The following SGCZ variants were observed in gnomAD, a reference collection of about 807,000 sequenced individuals.
The protein encoded by SGCZ is zeta-sarcoglycan.
A neutral mutation model predicts 41.3 loss-of-function variants in SGCZ; 40 were observed. The observed-to-expected ratio is 0.97, with a 90% confidence interval of 0.75 to 1.26. The LOEUF (loss-of-function observed/expected upper bound fraction) is 1.26, where lower values mean the gene tolerates loss of function less well. Among genes scored for constraint, SGCZ ranks in the 50% most tolerant of loss-of-function variants. The pLI, the probability that SGCZ is intolerant of heterozygous loss-of-function variation, is 0.00. For synonymous variants in SGCZ, 206 were observed against 137.5 expected, an observed-to-expected ratio of 1.50 and a Z score of -3.49; for missense variants, 552 against 369.8, an observed-to-expected ratio of 1.49 and a Z score of -4.04.
intron 1 of SGCZ, among the ~76,000 whole-genome samples, chr8:14,745,691 G>T (rs1034695576): frequency 6.6e-6 from 1 of 151,638 alleles, no homozygotes; most frequent in Non-Finnish European, 1.5e-5. Context: ...ATACATACAT[G>T]CCATATATAT....
At chr8:14,157,446 G>A (rs1803912732) in intron 5 of SGCZ, among the ~76,000 whole-genome samples, 1 of 149,598 alleles carries the variant, frequency 6.7e-6, no homozygotes, top group Non-Finnish European at 1.5e-5. Flanking sequence ...TTTTTGACAT[G>A]TCCCCATCAT....
intron 1 of SGCZ, among the ~76,000 whole-genome samples, chr8:15,195,025 C>G (rs1321856755): frequency 3.3e-5 from 5 of 152,190 alleles, no homozygotes; most frequent in African/African-American, 1.2e-4. Context: ...ATCTTATTAT[C>G]TTAGCATCTA....
At position 14,869,692 on chromosome 8, in the gene SGCZ, A is replaced by G. The variant is rs151298516; in HGVS notation, c.40-314766T>C. 8.5e-3 allele frequency among the ~76,000 whole-genome samples: 1,301 copies of G among 152,272 alleles called. 11 individuals are homozygous for G. The highest frequency in any genetic ancestry group is 0.013 in the Non-Finnish European group (899 of 68,008). On this transcript the variant is annotated intron_variant, in intron 1 of 7. Coordinates refer to ENST00000382080, the MANE Select transcript of SGCZ (RefSeq NM_139167.4). ...CATAAATGTATATTTAGAAAACCCCATTGTCTCAGCCCAAAATCTCTTTAA... is the reference window on the plus strand; with the variant it reads ...CATAAATGTATATTTAGAAAACCCCGTTGTCTCAGCCCAAAATCTCTTTAA...
chr8:14,410,102 G>C (rs1799319059), intron 2 of SGCZ, among the ~76,000 whole-genome samples: 1 of 152,114 alleles, frequency 6.6e-6, no homozygotes, highest in African/African-American at 2.4e-5. Flanking sequence ...GATTCTTAAA[G>C]GAATGCAAAA....
intron 1 of SGCZ, among the ~76,000 whole-genome samples, chr8:15,138,050 C>A (rs961452461): frequency 6.6e-6 from 1 of 152,166 alleles, no homozygotes; most frequent in Admixed American, 6.5e-5. Flanking sequence ...TACCCAAGGC[C>A]ATGGGAGTTC....
chr8:14,615,380 G>A (rs1442595004), intron 1 of SGCZ, among the ~76,000 whole-genome samples: 2 of 152,208 alleles, frequency 1.3e-5, no homozygotes, highest in Non-Finnish European at 2.9e-5. Context: ...CTGTGCTCCT[G>A]TATCTGGCCC....
At chr8:14,815,519 A>T (rs1021034478) in intron 1 of SGCZ, among the ~76,000 whole-genome samples, 4 of 152,156 alleles carry the variant, frequency 2.6e-5, no homozygotes, top group Non-Finnish European at 4.4e-5. Context: ...ATCTTCCAGG[A>T]ATAAATCACT....
chr8:14,631,593 A>G (rs1806656509), intron 1 of SGCZ, among the ~76,000 whole-genome samples: 1 of 152,126 alleles, frequency 6.6e-6, no homozygotes, highest in South Asian at 2.1e-4. Context: ...AAGCAGAAAG[A>G]CACTTCTGAT....
At chr8:14,164,785 G>T in intron 4 of SGCZ, 83 bp from the exon 5 acceptor site, 1 of 1,470,598 alleles carries the variant, frequency 6.8e-7, no homozygotes, top group Non-Finnish European at 9.3e-7. Context: ...GACTAGAAAT[G>T]CATATATTAT....
intron 2 of SGCZ, among the ~76,000 whole-genome samples, chr8:14,397,277 C>T (rs1056908862): frequency 2.0e-5 from 3 of 151,762 alleles, no homozygotes; most frequent in South Asian, 2.1e-4. Context: ...TAAGGATGTT[C>T]GAATATAGTA....
intron 1 of SGCZ, among the ~76,000 whole-genome samples, chr8:14,570,058 ATT>A (rs956596746): frequency 2.6e-5 from 4 of 151,412 alleles, no homozygotes; most frequent in African/African-American, 7.3e-5. Flanking sequence ...TTTTGGAAGT[ATT>A]TATCTCTGCC....
intron 1 of SGCZ, among the ~76,000 whole-genome samples, chr8:14,587,831 C>T (rs1805110443): frequency 1.3e-5 from 2 of 152,078 alleles, no homozygotes; most frequent in Non-Finnish European, 2.9e-5. Flanking sequence ...GAAAATATTT[C>T]AGCAAATAGT....
chr8:14,228,040 CTT>C, intron 4 of SGCZ, among the ~76,000 whole-genome samples: 1 of 63,192 alleles, frequency 1.6e-5, no homozygotes, highest in African/African-American at 4.7e-5. Flanking sequence ...AGTGAATGAT[CTT>C]CTGTGTACAT....
chr8:14,541,902 T>C lies in SGCZ; in HGVS notation c.234+12830A>G, dbSNP rs145493517. ...ACCAGTGATGATGAGCTTTTTTCCA[T>C]ATGTTTGTTGGCCACAAATATGTCT... On this transcript the variant is annotated intron_variant, in intron 2 of 7. Coordinates refer to ENST00000382080, the MANE Select transcript of SGCZ (RefSeq NM_139167.4). Among the ~76,000 whole-genome samples, 476 of 152,290 alleles carry C rather than the reference T, an allele frequency of 3.1e-3. 4 individuals are homozygous for C. Among genetic ancestry groups the C allele is most frequent in the African/African-American group, 0.011 (459 of 41,588 alleles).
chr8:15,103,661 C>T (rs1027381039), intron 1 of SGCZ, among the ~76,000 whole-genome samples: 7 of 152,012 alleles, frequency 4.6e-5, no homozygotes, highest in African/African-American at 1.7e-4. Context: ...TCATACTCAA[C>T]AGAGTTGAAA....
rs746891106 is a variant in SGCZ at position 14,283,349 on chromosome 8, C to A, written c.336+40754G>T. Among the ~76,000 whole-genome samples the A allele has an allele frequency of 2.0e-5, 3 of 152,296 alleles. No homozygotes were observed. The East Asian group carries it at 5.8e-4, about 29-fold the overall frequency. Reference sequence around the variant, plus strand: ...CTCCATCCACTTTCCTCTGTCGCAACTTTCTCAGCATATTACTACACGTCC... The same window carrying A: ...CTCCATCCACTTTCCTCTGTCGCAAATTTCTCAGCATATTACTACACGTCC... On this transcript the variant is annotated intron_variant, in intron 3 of 7. Coordinates refer to ENST00000382080, the MANE Select transcript of SGCZ (RefSeq NM_139167.4).
At chr8:14,123,085 CA>C (rs1802749273) in intron 5 of SGCZ, among the ~76,000 whole-genome samples, 1 of 152,126 alleles carries the variant, frequency 6.6e-6, no homozygotes, top group Non-Finnish European at 1.5e-5. Flanking sequence ...GACCAAATTA[CA>C]AAGACGTAAG....
chr8:14,189,430 G>A (rs561492974), intron 4 of SGCZ, among the ~76,000 whole-genome samples: 1 of 152,178 alleles, frequency 6.6e-6, no homozygotes, highest in East Asian at 1.9e-4. Context: ...TTCTCTTTCA[G>A]TACTCATCTC....
At chr8:14,534,190 T>G (rs994795649) in intron 2 of SGCZ, among the ~76,000 whole-genome samples, 1 of 151,888 alleles carries the variant, frequency 6.6e-6, no homozygotes, top group African/African-American at 2.4e-5. Flanking sequence ...AGGTGAAAGC[T>G]GAAGTTATGA....
Sources: gnomAD v4.1 joint callset for allele counts (sites outside exome capture counted in the v4.1 genomes callset) on GRCh38, gnomAD v4.1.1 for gene constraint, MANE v1.5 for transcripts, NCBI Gene and HGNC (gene_info 2026-07-23, HGNC 2026-07-21) for gene names.